PACRGL: variants seen among roughly 807,000 people sequenced by gnomAD.
The protein encoded by PACRGL is parkin coregulated like.
A neutral mutation model predicts 34.5 loss-of-function variants in PACRGL; 38 were observed. That is an observed-to-expected ratio of 1.10 (90% CI 0.85 to 1.44). The LOEUF is 1.44. PACRGL is among the 40% of genes most tolerant of loss of function. The pLI, the probability that PACRGL is intolerant of heterozygous loss-of-function variation, is 0.00. For synonymous variants in PACRGL, 128 were observed against 100.1 expected (o/e 1.28, Z -1.66); for missense variants, 305 against 281.4 (o/e 1.08, Z -0.60).
At chr4:20,719,723 A>C (rs1742054254) in intron 7 of PACRGL, among the ~76,000 whole-genome samples, 1 of 151,948 alleles carries the variant, frequency 6.6e-6, no homozygotes, top group Non-Finnish European at 1.5e-5. Flanking sequence ...GTTCTTTTAC[A>C]TTTGCTGAGG....
chr4:20,742,258 A>T (rs1751299249), intron 8 of PACRGL, among the ~76,000 whole-genome samples: 1 of 152,174 alleles, frequency 6.6e-6, no homozygotes. Context: ...CCTAGCAGAG[A>T]TACAACAAAA....
Position 20,713,424 on chromosome 4 carries a change from C to A in PACRGL, c.502-8C>A. The stretch of plus-strand genomic sequence containing the variant: ...GTCCATACATCCCCCAACTAACCAA[C>A]CTTACAGGTCCATTCGGATGATGAA... On this transcript the variant is annotated splice_region_variant and splice_polypyrimidine_tract_variant and intron_variant, in intron 6 of 8. Coordinates refer to ENST00000503585, the MANE Select transcript of PACRGL (RefSeq NM_001258345.3). 6.2e-7 allele frequency: 1 copy of A among 1,610,486 alleles called. No individual in the cohort carries two copies. The highest frequency in any genetic ancestry group is 1.1e-5 in the South Asian group (1 of 90,856).
Position 20,707,857 on chromosome 4 carries a change from G to A in PACRGL, c.262G>A (p.Gly88Ser), listed in dbSNP as rs771089789. The change falls in exon 4 of 9, where the codon GGT (glycine) becomes AGT (serine). Residue 88 changes from glycine (G) to serine (S), a missense_variant. Transcript: ENST00000503585. ...SAFAAIYSKG[G>S]IPCRLVHGSV... ...ATTTGCAGCTATTTACTCTAAAGGA[G>A]GTATTCCTTGCAGGTAAAATCAATA... 2 of 1,611,966 alleles carry A rather than the reference G, an allele frequency of 1.2e-6. No homozygotes were observed. Among genetic ancestry groups the A allele is most frequent in the South Asian group, 1.1e-5 (1 of 90,946 alleles).
At chr4:20,718,410 G>T (rs1398373420) in intron 7 of PACRGL, among the ~76,000 whole-genome samples, 1 of 152,142 alleles carries the variant, frequency 6.6e-6, no homozygotes, top group Non-Finnish European at 1.5e-5. Context: ...TCTTGTGCCA[G>T]TTTTCAAAGG....
At chr4:20,762,935 C>T in the PACRGL span, among the ~76,000 whole-genome samples, 1 of 123,150 alleles carries the variant, frequency 8.1e-6, no homozygotes, top group Non-Finnish European at 1.6e-5. Context: ...AGAAGGAAGG[C>T]ACCTTCTTCA....
chr4:20,761,974 A>G, the PACRGL span, among the ~76,000 whole-genome samples: 1 of 152,206 alleles, frequency 6.6e-6, no homozygotes, highest in East Asian at 1.9e-4. Context: ...ACAATAAACC[A>G]GTCAAAGGTC....
chr4:20,725,586 T>G (rs1038866441), intron 8 of PACRGL, among the ~76,000 whole-genome samples: 1 of 152,140 alleles, frequency 6.6e-6, no homozygotes, highest in African/African-American at 2.4e-5. Context: ...TTTAATCAGA[T>G]CTTAATGATA....
At chr4:20,764,515 C>A in the PACRGL span, among the ~76,000 whole-genome samples, 1 of 151,948 alleles carries the variant, frequency 6.6e-6, no homozygotes, top group Non-Finnish European at 1.5e-5. Context: ...TATGACTAAT[C>A]CCAGAAGGAG....
intron 8 of PACRGL, among the ~76,000 whole-genome samples, chr4:20,745,619 A>C (rs1199014383): frequency 6.6e-6 from 1 of 152,214 alleles, no homozygotes; most frequent in African/African-American, 2.4e-5. Context: ...AAAAATGATA[A>C]AGGGGTGGAG....
chr4:20,721,939 C>G (rs1474812702), intron 7 of PACRGL, among the ~76,000 whole-genome samples: 2 of 152,218 alleles, frequency 1.3e-5, no homozygotes, highest in Non-Finnish European at 2.9e-5. Flanking sequence ...TCTACAGAGG[C>G]AGGCAGGCCT....
chr4:20,741,998 A>C (rs1355442836), intron 8 of PACRGL, among the ~76,000 whole-genome samples: 1 of 152,128 alleles, frequency 6.6e-6, no homozygotes, highest in Non-Finnish European at 1.5e-5. Flanking sequence ...GGACACATAC[A>C]CCCTCCCAAG....
In PACRGL at chr4:20,731,556, A is replaced by G. The variant is rs191674075; in HGVS notation, c.*4215A>G. 1.2e-3 allele frequency: 1,156 copies of G among 985,420 alleles called. 24 individuals carry two copies. In the South Asian group the frequency reaches 0.038, roughly 32 times the overall value. The allele number at this position is 985,420 out of a possible 1,614,324, so 61.0% of individuals were successfully genotyped here. On this transcript the variant is annotated 3_prime_UTR_variant, in exon 9 of 9. Transcript: ENST00000503585. ...AGTCAAAGAGCCATTTCTTGTCCAC[A>G]TACACTAAAACAATGACTTTTCTCT...
chr4:20,752,260 C>T (rs1210065990), intron 8 of PACRGL, among the ~76,000 whole-genome samples: 5 of 151,870 alleles, frequency 3.3e-5, no homozygotes, highest in African/African-American at 4.8e-5. Flanking sequence ...GGTTTCATCA[C>T]GTTGGCCAGA....
At chr4:20,716,719 A>C (rs1740214784) in intron 7 of PACRGL, among the ~76,000 whole-genome samples, 2 of 152,250 alleles carry the variant, frequency 1.3e-5, no homozygotes, top group Non-Finnish European at 2.9e-5. Context: ...ACATTTTCTT[A>C]ATCCAGTCTA....
intron 7 of PACRGL, among the ~76,000 whole-genome samples, chr4:20,715,579 G>A (rs1413831154): frequency 6.6e-6 from 1 of 151,910 alleles, no homozygotes; most frequent in East Asian, 1.9e-4. Flanking sequence ...ATAATAAAAA[G>A]TAAACCACCC....
rs1748367071 is a variant in PACRGL at position 20,731,942 on chromosome 4, T to C, written c.*4601T>C. The C allele has an allele frequency of 1.6e-5, 25 of 1,600,262 alleles. No homozygotes were observed. The highest frequency in any genetic ancestry group is 3.4e-5 in the South Asian group (3 of 89,168). The stretch of plus-strand genomic sequence containing the variant: ...TTTCGCCCAGTTCATGGTAGCTAGC[T>C]GCTAATACTCAGTTTAGCTGTTATG... On this transcript the variant is annotated 3_prime_UTR_variant, in exon 9 of 9. Coordinates refer to ENST00000503585, the MANE Select transcript of PACRGL (RefSeq NM_001258345.3).
chr4:20,724,665 A>G (rs1430409174), intron 7 of PACRGL, 143 bp from the exon 8 acceptor site: 2 of 424,990 alleles, frequency 4.7e-6, no homozygotes, highest in Non-Finnish European at 8.3e-6. Flanking sequence ...GAGGTACCTT[A>G]TACATGTAAA....
chr4:20,757,238 A>G (rs11723855), downstream of PACRGL, among the ~76,000 whole-genome samples: 16,217 of 152,066 alleles, frequency 0.11, 932 homozygotes, highest in Middle Eastern at 0.16. Flanking sequence ...TATGTCTGTA[A>G]TCTGTCCCCA....
rs1461344246 is a variant in PACRGL at position 20,704,700 on chromosome 4, A to C, written c.93A>C (p.Lys31Asn). Residue 31 changes from lysine to asparagine, a missense_variant, in exon 3 of 9, where the codon AAA (lysine) becomes AAC (asparagine). Lys to Asn is a moderately conservative substitution (Grantham distance 94, BLOSUM62 0). Transcript: ENST00000503585. ...DQRTSSSTQLKHRNAVQGSKS... is the reference protein window; with the variant it reads ...DQRTSSSTQLNHRNAVQGSKS... ...GGACATCATCAAGCACACAGTTAAA[A>C]CACAGGAATGCAGTTCAGGGAAGCA... 3 of 1,614,156 alleles carry C rather than the reference A, an allele frequency of 1.9e-6. No homozygotes were observed. The highest frequency in any genetic ancestry group is 2.5e-6 in the Non-Finnish European group (3 of 1,179,996).
Sources: allele counts gnomAD v4.1 joint callset (sites outside exome capture counted in the v4.1 genomes callset), GRCh38; gene constraint gnomAD v4.1.1; transcripts MANE v1.5; gene names NCBI Gene and HGNC (gene_info 2026-07-23, HGNC 2026-07-21).